Variants in SGCZ observed in about 807,000 individuals in gnomAD.
SGCZ encodes sarcoglycan zeta.
Under a neutral mutation model 41.3 loss-of-function variants are expected in SGCZ, and 40 were observed. That is an observed-to-expected ratio of 0.97 (90% CI 0.75 to 1.26). The LOEUF (loss-of-function observed/expected upper bound fraction) is 1.26, where lower values mean the gene tolerates loss of function less well. Ranked by LOEUF, SGCZ falls within the 50% of genes most tolerant of loss-of-function variation. The pLI, the probability that SGCZ is intolerant of heterozygous loss-of-function variation, is 0.00. For synonymous variants in SGCZ, 206 were observed against 137.5 expected (o/e 1.50, Z -3.49); for missense variants, 552 against 369.8 (o/e 1.49, Z -4.04).
intron 1 of SGCZ, among the ~76,000 whole-genome samples, chr8:14,765,033 T>C (rs1007422280): frequency 3.9e-5 from 6 of 152,180 alleles, no homozygotes; most frequent in Admixed American, 2.0e-4. Context: ...ATGAAAGTTA[T>C]ATGTAAAATG....
At chr8:14,661,113 C>T (rs1212575490) in intron 1 of SGCZ, among the ~76,000 whole-genome samples, 1 of 152,010 alleles carries the variant, frequency 6.6e-6, no homozygotes, top group East Asian at 1.9e-4. Flanking sequence ...TCTAGAAATG[C>T]ATTTATGGAA....
At chr8:15,188,477 T>C (rs989236489) in intron 1 of SGCZ, among the ~76,000 whole-genome samples, 32 of 152,142 alleles carry the variant, frequency 2.1e-4, no homozygotes, top group African/African-American at 7.2e-4. Flanking sequence ...ATTTTTGTCT[T>C]TGTCTTTCCA....
chr8:14,157,333 C>A (rs1452809361), intron 5 of SGCZ, among the ~76,000 whole-genome samples: 2 of 106,750 alleles, frequency 1.9e-5, no homozygotes, highest in African/African-American at 3.3e-5. Context: ...CATATATATG[C>A]CTCTGTGTGT....
intron 2 of SGCZ, among the ~76,000 whole-genome samples, chr8:14,385,730 C>A (rs1461824850): frequency 6.6e-6 from 1 of 151,914 alleles, no homozygotes; most frequent in African/African-American, 2.4e-5. Flanking sequence ...AGAGAACAAC[C>A]AACCAAACAA....
At chr8:15,219,216 G>C (rs955785142) in intron 1 of SGCZ, among the ~76,000 whole-genome samples, 5 of 152,004 alleles carry the variant, frequency 3.3e-5, no homozygotes, top group African/African-American at 1.2e-4. Context: ...TTGAATTCAA[G>C]TCTCTCAGGG....
At chr8:14,549,196 T>G (rs1004154284) in intron 2 of SGCZ, among the ~76,000 whole-genome samples, 5 of 152,002 alleles carry the variant, frequency 3.3e-5, no homozygotes, top group Admixed American at 2.6e-4. Flanking sequence ...GGTTTTACAG[T>G]AGTTATTACT....
intron 7 of SGCZ, among the ~76,000 whole-genome samples, chr8:14,095,503 T>G (rs960242034): frequency 3.3e-5 from 5 of 152,150 alleles, no homozygotes; most frequent in Admixed American, 3.3e-4. Context: ...TTGGTTACTG[T>G]AGCCTTGTAG....
chr8:14,708,812 A>AGTGTGT (rs61049816), intron 1 of SGCZ, among the ~76,000 whole-genome samples: 3,233 of 148,646 alleles, frequency 0.022, 52 homozygotes, highest in South Asian at 0.059. Context: ...GTTTTATTCG[A>AGTGTGT]GTGTGTGTGT....
At chr8:14,737,582 T>C (rs1027482751) in intron 1 of SGCZ, among the ~76,000 whole-genome samples, 9 of 152,106 alleles carry the variant, frequency 5.9e-5, no homozygotes, top group African/African-American at 1.9e-4. Flanking sequence ...TTCTCATAAT[T>C]CTAGAGGCTG....
At chr8:14,385,199 G>C (rs1046985392) in intron 2 of SGCZ, among the ~76,000 whole-genome samples, 2 of 152,130 alleles carry the variant, frequency 1.3e-5, no homozygotes, top group African/African-American at 4.8e-5. Context: ...TGAACATGGA[G>C]TTGAGAGAGA....
chr8:15,087,783 T>G (rs1042376712), intron 1 of SGCZ, among the ~76,000 whole-genome samples: 2 of 152,156 alleles, frequency 1.3e-5, no homozygotes, highest in African/African-American at 4.8e-5. Flanking sequence ...AGTCAACTCC[T>G]TAAGTTTACT....
chr8:14,762,230 T>C (rs1391769097), intron 1 of SGCZ, among the ~76,000 whole-genome samples: 2 of 152,184 alleles, frequency 1.3e-5, no homozygotes, highest in African/African-American at 4.8e-5. Flanking sequence ...AATTTAACTA[T>C]GGGATATGGA....
intron 4 of SGCZ, among the ~76,000 whole-genome samples, chr8:14,193,336 A>AT (rs35536356): frequency 0.97 from 145,981 of 151,272 alleles, 70,460 homozygotes; most frequent in East Asian, 1. Context: ...GCAGCATGCT[A>AT]TTTTTTTTAC....
intron 1 of SGCZ, among the ~76,000 whole-genome samples, chr8:14,595,460 C>T (rs1350845348): frequency 6.7e-6 from 1 of 148,474 alleles, no homozygotes; most frequent in African/African-American, 2.5e-5. Flanking sequence ...TGATGGGTGG[C>T]TGGAAAGAGA....
intron 5 of SGCZ, among the ~76,000 whole-genome samples, chr8:14,115,709 AT>A (rs1419644770): frequency 1.3e-5 from 2 of 151,404 alleles, no homozygotes. Flanking sequence ...GATAACCTCT[AT>A]CATTAATCCA....
At chr8:14,195,035 C>G (rs190262213) in intron 4 of SGCZ, among the ~76,000 whole-genome samples, 70 of 152,100 alleles carry the variant, frequency 4.6e-4, no homozygotes, top group African/African-American at 1.6e-3. Context: ...ATACCTAGCA[C>G]CAAAAAGTAA....
intron 4 of SGCZ, among the ~76,000 whole-genome samples, chr8:14,225,997 A>G (rs1215829370): frequency 3.3e-5 from 5 of 152,034 alleles, no homozygotes; most frequent in Admixed American, 3.3e-4. Flanking sequence ...CCATGAAATC[A>G]TAAGGTATAT....
intron 1 of SGCZ, among the ~76,000 whole-genome samples, chr8:14,676,355 T>TGTGTGG (rs1209885223): frequency 5.7e-4 from 87 of 151,896 alleles, no homozygotes; most frequent in African/African-American, 2.0e-3. Context: ...GATGTGTGTG[T>TGTGTGG]GTGTGTGTGT....
intron 2 of SGCZ, among the ~76,000 whole-genome samples, chr8:14,375,619 C>A (rs181403490): frequency 6.6e-6 from 1 of 152,110 alleles, no homozygotes; most frequent in African/African-American, 2.4e-5. Flanking sequence ...TCCTATTAAA[C>A]AATACCTGGA....
Sources: gnomAD v4.1 joint callset for allele counts (sites outside exome capture counted in the v4.1 genomes callset) on GRCh38, gnomAD v4.1.1 for gene constraint, MANE v1.5 for transcripts, NCBI Gene and HGNC (gene_info 2026-07-23, HGNC 2026-07-21) for gene names.